PTPDC1: variants seen among roughly 807,000 people sequenced by gnomAD.
PTPDC1 encodes the protein protein tyrosine phosphatase domain-containing protein 1.
Under a neutral mutation model 75.3 loss-of-function variants are expected in PTPDC1, and 53 were observed. That is an observed-to-expected ratio of 0.70 (90% CI 0.56 to 0.88). The LOEUF is 0.88. PTPDC1 is among the 40% of genes least tolerant of loss of function. The pLI, the probability that PTPDC1 is intolerant of heterozygous loss-of-function variation, is 0.00. For missense variants in PTPDC1, 925 were observed against 998.6 expected, an observed-to-expected ratio of 0.93 and a Z score of 0.99; for synonymous variants, 349 against 366.2, an observed-to-expected ratio of 0.95 and a Z score of 0.54.
chr9:94,096,078 C>T (rs992801306), intron 5 of PTPDC1, among the ~76,000 whole-genome samples: 2 of 152,174 alleles, frequency 1.3e-5, no homozygotes, highest in Non-Finnish European at 2.9e-5. Flanking sequence ...ATTAAAAAGT[C>T]AGTGATTTTA....
rs756042532 is a variant in PTPDC1 at position 94,098,076 on chromosome 9, C to T, written c.1510C>T (p.Arg504Cys). Residue 504 changes from arginine to cysteine, a missense_variant, in exon 6 of 9, where the codon CGC becomes TGC. By Grantham distance (180) the Arg-to-Cys change is radical. Coordinates refer to ENST00000620992, the MANE Select transcript of PTPDC1 (RefSeq NM_001253829.2). ...EPDLHKEALV[R>C]STLSFWSQSK... ...AGACTTACACAAGGAAGCCTTGGTT[C>T]GCAGCACACTTTCTTTCTGGAGTCA... 12 of 1,614,046 alleles carry T rather than the reference C, an allele frequency of 7.4e-6. No individual in the cohort carries two copies. Among genetic ancestry groups the T allele is most frequent in the Middle Eastern group, 1.6e-4 (1 of 6,084 alleles).
Position 94,101,733 on chromosome 9 carries a change from A to T in PTPDC1, c.2181A>T (p.Ala727=). 1 of 1,610,716 alleles carries T rather than the reference A, an allele frequency of 6.2e-7. No individual in the cohort carries two copies. Among genetic ancestry groups the T allele is most frequent in the Non-Finnish European group, 8.5e-7 (1 of 1,178,026 alleles). The part of the protein sequence containing the change: ...LVDRRADAAE[A]LFLLEKGQHQ... ...ACAGGCGAGCAGATGCCGCAGAAGC[A>T]CTTTTTTTATTAGAGAAGGTAAAGT... Residue 727 remains alanine, a synonymous_variant, in exon 7 of 9, where the codon GCA becomes GCT. Transcript: ENST00000620992.
intron 4 of PTPDC1, among the ~76,000 whole-genome samples, chr9:94,093,871 C>A (rs1327149375): frequency 6.7e-6 from 1 of 149,480 alleles, no homozygotes; most frequent in East Asian, 2.0e-4. Context: ...TCCAGTTGAT[C>A]GCATCGGCTC....
chr9:94,073,403 CT>C (rs1396374838), intron 2 of PTPDC1, among the ~76,000 whole-genome samples: 2 of 151,660 alleles, frequency 1.3e-5, no homozygotes, highest in Admixed American at 6.6e-5. Context: ...TGATTTGTGT[CT>C]TTTTTTTATT....
chr9:94,073,027 G>A (rs940389957), intron 2 of PTPDC1, among the ~76,000 whole-genome samples: 2 of 152,066 alleles, frequency 1.3e-5, no homozygotes, highest in African/African-American at 4.8e-5. Context: ...GGTAATGTTA[G>A]CCCCATAAAA....
At chr9:94,066,624 C>T (rs1826315329) in intron 2 of PTPDC1, among the ~76,000 whole-genome samples, 1 of 152,074 alleles carries the variant, frequency 6.6e-6, no homozygotes, top group African/African-American at 2.4e-5. Flanking sequence ...GTGATGCAAT[C>T]TTGGCTCACT....
chr9:94,088,225 G>A lies in PTPDC1; in HGVS notation c.578G>A (p.Gly193Asp). The change falls in exon 4 of 9, where the codon GGC becomes GAC. Residue 193 changes from glycine to aspartate, a missense_variant. Physicochemically the swap from Gly to Asp is moderately conservative, Grantham distance 94 (BLOSUM62 -1). Coordinates refer to ENST00000620992, the MANE Select transcript of PTPDC1 (RefSeq NM_001253829.2). ...SCGNPLEQES[G>D]FTYLPEAFME... ...GGGAACCCTCTGGAACAAGAAAGTG[G>A]CTTCACATACCTTCCTGAGGCTTTC... 1.2e-6 allele frequency: 2 copies of A among 1,613,948 alleles called. No individual in the cohort carries two copies. Among genetic ancestry groups the A allele is most frequent in the Non-Finnish European group, 1.7e-6 (2 of 1,179,950 alleles).
intron 4 of PTPDC1, among the ~76,000 whole-genome samples, chr9:94,093,984 C>T (rs1223847484): frequency 1.3e-5 from 2 of 152,058 alleles, no homozygotes; most frequent in Admixed American, 6.6e-5. Context: ...AATACATTCT[C>T]CTAAATTTTT....
upstream of PTPDC1, among the ~76,000 whole-genome samples, chr9:94,083,566 C>T (rs1198075513): frequency 2.0e-5 from 3 of 152,270 alleles, no homozygotes; most frequent in East Asian, 3.9e-4. Flanking sequence ...CAAGCGAGGG[C>T]GCAGCCTGAC....
Position 94,101,604 on chromosome 9 carries a change from A to G in PTPDC1, c.2052A>G (p.Ile684Met). The part of the protein sequence containing the change: ...LNSRDGAWER[I>M]CGERDPFILC... Reference sequence around the variant, plus strand: ...CCCGAGATGGAGCTTGGGAAAGAATATGTGGCGAGAGGGACCCTTTCATCC... The same window carrying G: ...CCCGAGATGGAGCTTGGGAAAGAATGTGTGGCGAGAGGGACCCTTTCATCC... Residue 684 changes from isoleucine to methionine, a missense_variant, in exon 7 of 9, where the codon ATA (isoleucine) becomes ATG (methionine). By Grantham distance (10) the Ile-to-Met change is conservative. Transcript: ENST00000620992. 8 of 1,613,494 alleles carry G rather than the reference A, an allele frequency of 5.0e-6. No individual in the cohort carries two copies. The highest frequency in any genetic ancestry group is 6.8e-6 in the Non-Finnish European group (8 of 1,179,646).
At position 94,097,822 on chromosome 9, in the gene PTPDC1, A is replaced by G. The variant is rs757499314; in HGVS notation, c.1256A>G (p.Asn419Ser). 4.3e-6 allele frequency: 7 copies of G among 1,614,078 alleles called. No homozygotes were observed. The African/African-American group carries it at 9.3e-5, about 22-fold the overall frequency. ...DFDNRGMIFS[N>S]EQQFDPLWKR... is the part of the protein sequence containing the mutation. ...GACAATCGAGGCATGATTTTCTCCAATGAGCAACAGTTTGACCCTCTTTGG... is the reference window on the plus strand; with the variant it reads ...GACAATCGAGGCATGATTTTCTCCAGTGAGCAACAGTTTGACCCTCTTTGG... The change falls in exon 6 of 9, where the codon AAT (asparagine) becomes AGT (serine). Residue 419 changes from asparagine (N) to serine (S), a missense_variant. Coordinates refer to ENST00000620992, the MANE Select transcript of PTPDC1 (RefSeq NM_001253829.2).
chr9:94,064,913 C>T, intron 2 of PTPDC1: 3 of 890,276 alleles, frequency 3.4e-6, no homozygotes, highest in Non-Finnish European at 3.5e-6. Context: ...AAAAGGCTCT[C>T]TTCTTCATAT....
At position 94,098,087 on chromosome 9, in the gene PTPDC1, T is replaced by C. The variant is rs753664469; in HGVS notation, c.1521T>C (p.Leu507=). ...LHKEALVRST[L]SFWSQSKFGG... ...AGGAAGCCTTGGTTCGCAGCACACT[T>C]TCTTTCTGGAGTCAGTCAAAGTTTG... Residue 507 remains leucine (L), a synonymous_variant, in exon 6 of 9, where the codon CTT becomes CTC. Coordinates refer to ENST00000620992, the MANE Select transcript of PTPDC1 (RefSeq NM_001253829.2). The C allele has an allele frequency of 2.5e-5, 40 of 1,614,106 alleles. No homozygotes were observed. Among genetic ancestry groups the C allele is most frequent in the Non-Finnish European group, 3.1e-5 (36 of 1,180,048 alleles).
In PTPDC1 at chr9:94,097,789, C is replaced by T. The variant is rs1223375560; in HGVS notation, c.1223C>T (p.Ala408Val). The change falls in exon 6 of 9, where the codon GCA becomes GTA. Residue 408 changes from alanine (A) to valine (V), a missense_variant. By Grantham distance (64) the Ala-to-Val change is moderately conservative. Coordinates refer to ENST00000620992, the MANE Select transcript of PTPDC1 (RefSeq NM_001253829.2). ...CCGCCTAACCCCACTGCAGTGGCAG[C>T]AGATTTTGACAATCGAGGCATGATT... ...SNPPNPTAVA[A>V]DFDNRGMIFS... The T allele has an allele frequency of 1.2e-6, 2 of 1,614,174 alleles. No individual in the cohort carries two copies. The highest frequency in any genetic ancestry group is 1.7e-6 in the Non-Finnish European group (2 of 1,180,036).
intron 4 of PTPDC1, among the ~76,000 whole-genome samples, chr9:94,089,764 T>C (rs1314616799): frequency 1.4e-4 from 4 of 27,800 alleles, no homozygotes; most frequent in African/African-American, 5.8e-4. Flanking sequence ...TTTTAATGAT[T>C]GCCATTCTAA....
chr9:94,050,948 C>T (rs1443935148), intron 1 of PTPDC1, among the ~76,000 whole-genome samples: 1 of 152,162 alleles, frequency 6.6e-6, no homozygotes, highest in Non-Finnish European at 1.5e-5. Context: ...GCCACCTTGC[C>T]GTTTGATCTC....
intron 2 of PTPDC1, among the ~76,000 whole-genome samples, chr9:94,076,787 T>G (rs62574602): frequency 6.6e-6 from 1 of 152,206 alleles, no homozygotes; most frequent in Non-Finnish European, 1.5e-5. Flanking sequence ...TTCATTTTAT[T>G]TACCCACCAG....
chr9:94,098,555 A>G lies in PTPDC1; in HGVS notation c.1989A>G (p.Leu663=). Residue 663 remains leucine (L), a synonymous_variant, in exon 6 of 9, where the codon CTA becomes CTG. Coordinates refer to ENST00000620992, the MANE Select transcript of PTPDC1 (RefSeq NM_001253829.2). The part of the protein sequence containing the change: ...NLNESVEKEE[L]KRKVEMWQKE... ...ATGAATCTGTAGAAAAGGAGGAACT[A>G]AAAAGGAAGGTAGAAATGTGGCAGG... The G allele has an allele frequency of 1.2e-6, 2 of 1,613,814 alleles. No homozygotes were observed. The highest frequency in any genetic ancestry group is 1.1e-5 in the South Asian group (1 of 91,088).
At position 94,070,147 on chromosome 9, in the gene PTPDC1, T is replaced by C. The variant is rs573474447; in HGVS notation, c.82+5326T>C. ...CAATACTTTCAATTCTAATCCATTATTACACCATCTTTATAGCTGTTCCCA... is the reference window on the plus strand; with the variant it reads ...CAATACTTTCAATTCTAATCCATTACTACACCATCTTTATAGCTGTTCCCA... On this transcript the variant is annotated intron_variant, in intron 2 of 9. Transcript: ENST00000375360. Among the ~76,000 whole-genome samples, 6 of 152,316 alleles carry C rather than the reference T, an allele frequency of 3.9e-5. No individual in the cohort carries two copies. The South Asian group carries it at 1.0e-3, about 26-fold the overall frequency.
Sources: gnomAD v4.1 joint callset for allele counts (sites outside exome capture counted in the v4.1 genomes callset) on GRCh38, gnomAD v4.1.1 for gene constraint, MANE v1.5 for transcripts, NCBI Gene and HGNC (gene_info 2026-07-23, HGNC 2026-07-21) for gene names.